The following SDK1 variants were observed in gnomAD, a reference collection of about 807,000 sequenced individuals.
SDK1 encodes the protein sidekick cell adhesion molecule 1.
SDK1 carries 157 observed loss-of-function variants against 245.5 expected under a neutral mutation model. That is an observed-to-expected ratio of 0.64 (90% CI 0.56 to 0.73). The LOEUF (loss-of-function observed/expected upper bound fraction) is 0.73, where lower values mean the gene tolerates loss of function less well. Among genes scored for constraint, SDK1 ranks in the 30% least tolerant of loss-of-function variants. SDK1 has a pLI of 0.00. For missense variants in SDK1, 3,583 were observed against 3,002.3 expected, an observed-to-expected ratio of 1.19 and a Z score of -4.52; for synonymous variants, 1,647 against 1,278.5, an observed-to-expected ratio of 1.29 and a Z score of -6.15.
chr7:4,086,387 CA>C (rs752143028), intron 22 of SDK1, among the ~76,000 whole-genome samples: 3 of 152,198 alleles, frequency 2.0e-5, no homozygotes, highest in Non-Finnish European at 4.4e-5. Context: ...GCATGGGTCT[CA>C]CCAGAGCCAT....
At chr7:3,439,541 T>C (rs1780133237) in intron 1 of SDK1, among the ~76,000 whole-genome samples, 1 of 152,194 alleles carries the variant, frequency 6.6e-6, no homozygotes, top group South Asian at 2.1e-4. Context: ...AACATACTAC[T>C]CATTCTGAAT....
chr7:3,649,940 T>G (rs2614956), intron 4 of SDK1, among the ~76,000 whole-genome samples: 37,488 of 151,476 alleles, frequency 0.25, 5,669 homozygotes, highest in East Asian at 0.42. Context: ...CTGTATCCCC[T>G]GAATCTGGGA....
intron 41 of SDK1, among the ~76,000 whole-genome samples, chr7:4,236,316 A>G (rs1786164184): frequency 6.6e-6 from 1 of 152,222 alleles, no homozygotes; most frequent in Non-Finnish European, 1.5e-5. Flanking sequence ...AGCACCCATC[A>G]AGATACAATT....
At chr7:4,089,820 C>G (rs1242042323) in intron 22 of SDK1, among the ~76,000 whole-genome samples, 1 of 152,228 alleles carries the variant, frequency 6.6e-6, no homozygotes, top group Non-Finnish European at 1.5e-5. Context: ...GAATTCCCCT[C>G]CACCCAAAGG....
intron 5 of SDK1, among the ~76,000 whole-genome samples, chr7:3,914,228 A>G (rs192874495): frequency 4.7e-4 from 71 of 152,298 alleles, no homozygotes; most frequent in African/African-American, 1.6e-3. Context: ...GCTTGTCTGC[A>G]TTATTACCGT....
At chr7:4,126,875 G>C (rs1400646681) in intron 25 of SDK1, among the ~76,000 whole-genome samples, 1 of 152,142 alleles carries the variant, frequency 6.6e-6, no homozygotes, top group Non-Finnish European at 1.5e-5. Flanking sequence ...GATCATTGTG[G>C]GATTAGATGC....
chr7:3,770,789 C>G (rs1436720776), intron 4 of SDK1, among the ~76,000 whole-genome samples: 3 of 152,090 alleles, frequency 2.0e-5, no homozygotes, highest in Admixed American at 2.0e-4. Flanking sequence ...CAGTGGGACT[C>G]CTGTTCAGCT....
chr7:4,086,859 A>G (rs1028035149), intron 22 of SDK1, among the ~76,000 whole-genome samples: 1 of 152,082 alleles, frequency 6.6e-6, no homozygotes, highest in Admixed American at 6.5e-5. Flanking sequence ...CCTTTTGCAT[A>G]GTCATTTTGT....
At chr7:3,627,855 C>G (rs1342972297) in intron 2 of SDK1, among the ~76,000 whole-genome samples, 2 of 152,198 alleles carry the variant, frequency 1.3e-5, no homozygotes, top group Non-Finnish European at 2.9e-5. Flanking sequence ...TACACCCACC[C>G]CCATTGGGCT....
At chr7:4,014,486 G>T (rs747999686) in intron 16 of SDK1, among the ~76,000 whole-genome samples, 9 of 152,240 alleles carry the variant, frequency 5.9e-5, no homozygotes, top group Admixed American at 1.3e-4. Context: ...AAACATTTCC[G>T]CATAATCCTC....
intron 4 of SDK1, among the ~76,000 whole-genome samples, chr7:3,773,166 C>T (rs1402278167): frequency 6.6e-6 from 1 of 152,212 alleles, no homozygotes; most frequent in African/African-American, 2.4e-5. Flanking sequence ...TCTAGGACTC[C>T]CATAACACAT....
At chr7:3,940,180 A>G (rs968562752) in intron 5 of SDK1, among the ~76,000 whole-genome samples, 50 of 152,148 alleles carry the variant, frequency 3.3e-4, no homozygotes, top group Admixed American at 3.9e-4. Context: ...TCTCATTGTC[A>G]GAAAGCAGGT....
chr7:3,347,627 C>G (rs554458235), intron 1 of SDK1, among the ~76,000 whole-genome samples: 1 of 152,132 alleles, frequency 6.6e-6, no homozygotes, highest in South Asian at 2.1e-4. Context: ...TTCCCTGTGG[C>G]ATGGTTTTTA....
chr7:3,680,965 C>G (rs375229895), intron 4 of SDK1, among the ~76,000 whole-genome samples: 1 of 152,150 alleles, frequency 6.6e-6, no homozygotes, highest in East Asian at 1.9e-4. Context: ...GCCTCAGCCT[C>G]CGGAGTAGCT....
intron 4 of SDK1, among the ~76,000 whole-genome samples, chr7:3,749,642 C>G (rs1779722218): frequency 6.6e-6 from 1 of 152,196 alleles, no homozygotes; most frequent in South Asian, 2.1e-4. Context: ...AATCAAAGTT[C>G]TGATACAAGG....
chr7:4,235,519 C>T (rs1220540703), intron 41 of SDK1, among the ~76,000 whole-genome samples: 1 of 152,036 alleles, frequency 6.6e-6, no homozygotes, highest in Non-Finnish European at 1.5e-5. Context: ...TTCTCATTTC[C>T]CTAATTTTAA....
At chr7:3,643,982 A>T (rs2128653160) in intron 4 of SDK1, among the ~76,000 whole-genome samples, 1 of 150,828 alleles carries the variant, frequency 6.6e-6, no homozygotes, top group Non-Finnish European at 1.5e-5. Context: ...AGCTCACTGC[A>T]ACCTTTCCCT....
intron 1 of SDK1, among the ~76,000 whole-genome samples, chr7:3,598,564 T>C (rs1324998707): frequency 6.6e-6 from 1 of 152,244 alleles, no homozygotes; most frequent in Non-Finnish European, 1.5e-5. Context: ...AGAATATTTC[T>C]GTCAGCACAA....
chr7:3,771,105 C>T (rs1461348863), intron 4 of SDK1, among the ~76,000 whole-genome samples: 1 of 152,004 alleles, frequency 6.6e-6, no homozygotes, highest in Non-Finnish European at 1.5e-5. Context: ...TGAGCTGCCT[C>T]ACATGTTTGG....
Sources: allele counts gnomAD v4.1 joint callset (sites outside exome capture counted in the v4.1 genomes callset), GRCh38; gene constraint gnomAD v4.1.1; transcripts MANE v1.5; gene names NCBI Gene and HGNC (gene_info 2026-07-23, HGNC 2026-07-21).